COL19A1: variants seen among roughly 807,000 people sequenced by gnomAD.
COL19A1 encodes collagen alpha-1(XIX) chain.
Under a neutral mutation model 190.2 loss-of-function variants are expected in COL19A1, and 159 were observed. The ratio of observed to expected loss-of-function variants is 0.84; its 90% CI spans 0.73 to 0.95. The LOEUF (loss-of-function observed/expected upper bound fraction) is 0.95. Among genes scored for constraint, COL19A1 ranks in the 40% least tolerant of loss-of-function variants. COL19A1 has a pLI of 0.00. For synonymous variants in COL19A1, 509 were observed against 458.9 expected (o/e 1.11, Z -1.39); for missense variants, 1,418 against 1,431.9 (o/e 0.99, Z 0.16).
At chr6:70,148,578 A>C (rs562416425) in intron 27 of COL19A1, among the ~76,000 whole-genome samples, 4 of 152,328 alleles carry the variant, frequency 2.6e-5, no homozygotes, top group African/African-American at 9.6e-5. Context: ...TGCCAGGGCA[A>C]GAATGTAAAA....
Position 70,142,013 on chromosome 6 carries a change from A to AC in COL19A1, c.1519-9dup, listed in dbSNP as rs764415630. On this transcript the variant is annotated splice_polypyrimidine_tract_variant and intron_variant, in intron 21 of 50. Transcript: ENST00000620364. ...GAAACATTGATCTTTCCTTCCCCCC[A>AC]CGTGTTTAGGGTGAACCTGGAGATC... 5 of 1,612,340 alleles carry AC rather than the reference A, an allele frequency of 3.1e-6. No homozygotes were observed. Among genetic ancestry groups the AC allele is most frequent in the Non-Finnish European group, 3.4e-6 (4 of 1,178,888 alleles).
Position 69,950,076 on chromosome 6 carries a change from A to G in COL19A1, c.937-9920A>G, listed in dbSNP as rs547217454. Among the ~76,000 whole-genome samples the G allele has an allele frequency of 3.9e-5, 6 of 152,028 alleles. No individual in the cohort carries two copies. In the East Asian group the frequency reaches 9.7e-4, roughly 24 times the overall value. ...ACACTTACATCAATGTCATACTTCAATAAATTAAGTGATTTGCATATAAAT... is the reference window on the plus strand; with the variant it reads ...ACACTTACATCAATGTCATACTTCAGTAAATTAAGTGATTTGCATATAAAT... On this transcript the variant is annotated intron_variant, in intron 9 of 50. Transcript: ENST00000620364.
At position 70,207,207 on chromosome 6, in the gene COL19A1, G is replaced by A; in HGVS notation, c.3362G>A (p.Gly1121Glu). ...PGPQGPPGPS[G>E]RCNPEDCLYP... ...CCACAGGGCCCCCCAGGACCCAGTG[G>A]AAGATGTAACCCAGAAGATTGCCTC... Residue 1121 changes from glycine to glutamate, a missense_variant, in exon 51 of 51, where the codon GGA (glycine) becomes GAA (glutamate). Transcript: ENST00000620364. The A allele has an allele frequency of 6.2e-7, 1 of 1,614,008 alleles. No individual in the cohort carries two copies. The highest frequency in any genetic ancestry group is 8.5e-7 in the Non-Finnish European group (1 of 1,179,974).
intron 16 of COL19A1, among the ~76,000 whole-genome samples, chr6:70,108,943 A>C (rs1267688458): frequency 1.3e-5 from 2 of 152,126 alleles, no homozygotes; most frequent in Non-Finnish European, 2.9e-5. Flanking sequence ...TTAGGGTGTA[A>C]AATTTAATTT....
chr6:70,126,152 C>CAAAA (rs5877240), intron 17 of COL19A1, among the ~76,000 whole-genome samples: 2 of 140,924 alleles, frequency 1.4e-5, no homozygotes, highest in Non-Finnish European at 3.1e-5. Context: ...ATTATTGATC[C>CAAAA]AAAAAAAAAA....
At position 70,209,759 on chromosome 6, in the gene COL19A1, C is replaced by G. The variant is rs146488491; in HGVS notation, c.*2485C>G. The stretch of plus-strand genomic sequence containing the variant: ...GAAACAAGGCTGTATCCACATGGTA[C>G]AAGCCTTTCTCACCCTACTCTATTA... On this transcript the variant is annotated 3_prime_UTR_variant, in exon 51 of 51. Transcript: ENST00000620364. 6.6e-6 allele frequency: 1 copy of G among 152,178 alleles called. No homozygotes were observed. Among genetic ancestry groups the G allele is most frequent in the South Asian group, 2.1e-4 (1 of 4,836 alleles). 9.4% of individuals were successfully genotyped at this position (152,178 alleles called of 1,614,324 possible). A position where few individuals can be genotyped will look rare whatever the true frequency, so the allele number is the denominator to read the frequency against.
chr6:70,179,423 G>T (rs1766025867), intron 42 of COL19A1, among the ~76,000 whole-genome samples: 1 of 152,174 alleles, frequency 6.6e-6, no homozygotes, highest in Non-Finnish European at 1.5e-5. Flanking sequence ...TGTGCTTCCA[G>T]TCTCCACTGG....
intron 14 of COL19A1, among the ~76,000 whole-genome samples, chr6:70,061,665 T>C (rs1422767085): frequency 6.6e-6 from 1 of 152,144 alleles, no homozygotes; most frequent in African/African-American, 2.4e-5. Flanking sequence ...CAGAATTAAG[T>C]GAACTCCCTG....
In COL19A1 at chr6:70,137,749, T is replaced by G. The variant is rs867364635; in HGVS notation, c.1446+2T>G. ...CCTAAAGGACAAAAAGGAGAACCTG[T>G]AAGTATTTTAGCTTTGAGGACAGAG... On this transcript the variant is annotated splice_donor_variant, in intron 19 of 50. Coordinates refer to ENST00000620364, the MANE Select transcript of COL19A1 (RefSeq NM_001858.6). LOFTEE classifies it high-confidence loss of function. The G allele has an allele frequency of 6.2e-7, 1 of 1,613,064 alleles. No homozygotes were observed. The highest frequency in any genetic ancestry group is 8.5e-7 in the Non-Finnish European group (1 of 1,179,260).
chr6:69,872,650 A>G (rs1767910660), intron 1 of COL19A1, among the ~76,000 whole-genome samples: 1 of 152,232 alleles, frequency 6.6e-6, no homozygotes, highest in Non-Finnish European at 1.5e-5. Flanking sequence ...CCATATGGCA[A>G]ATGATGGTGA....
intron 11 of COL19A1, among the ~76,000 whole-genome samples, chr6:70,006,044 TTTTCAGTCTCCC>T (rs1777600268): frequency 2.0e-5 from 3 of 152,014 alleles, no homozygotes; most frequent in Non-Finnish European, 4.4e-5. Context: ...GAAAAGGGCT[TTTTCAGTCTCCC>T]TTGAAAAGCC....
At chr6:70,000,838 A>G (rs1359305787) in intron 11 of COL19A1, among the ~76,000 whole-genome samples, 1 of 152,124 alleles carries the variant, frequency 6.6e-6, no homozygotes, top group Non-Finnish European at 1.5e-5. Context: ...CTCTGATGAT[A>G]GTTTCTCTGG....
chr6:69,909,787 G>A (rs9689515), intron 4 of COL19A1, among the ~76,000 whole-genome samples: 5,187 of 152,112 alleles, frequency 0.034, 321 homozygotes, highest in African/African-American at 0.12. Flanking sequence ...CATCCAGATG[G>A]CTTAAGTTCT....
At chr6:70,155,200 C>A (rs1414536380) in intron 31 of COL19A1, among the ~76,000 whole-genome samples, 1 of 152,062 alleles carries the variant, frequency 6.6e-6, no homozygotes, top group Non-Finnish European at 1.5e-5. Flanking sequence ...GGCTTTCTTG[C>A]CAGCTTCTTA....
chr6:70,000,036 C>G (rs1248287776), intron 11 of COL19A1, among the ~76,000 whole-genome samples: 7 of 152,086 alleles, frequency 4.6e-5, no homozygotes, highest in African/African-American at 1.4e-4. Context: ...TCAACAGCCC[C>G]TGGCCCTGGT....
intron 11 of COL19A1, among the ~76,000 whole-genome samples, chr6:69,973,621 A>T (rs1326610119): frequency 9.4e-6 from 1 of 106,378 alleles, no homozygotes; most frequent in African/African-American, 2.9e-5. Context: ...TGTTTTTTTA[A>T]ATTAAGAAAA....
intron 34 of COL19A1, among the ~76,000 whole-genome samples, chr6:70,161,416 T>A (rs1217568715): frequency 1.3e-5 from 2 of 152,196 alleles, no homozygotes; most frequent in African/African-American, 4.8e-5. Context: ...CCAGATTAAA[T>A]TATGTTTGCT....
intron 9 of COL19A1, among the ~76,000 whole-genome samples, chr6:69,946,106 T>C (rs956243784): frequency 6.6e-6 from 1 of 151,892 alleles, no homozygotes; most frequent in Non-Finnish European, 1.5e-5. Context: ...AGGAATATCT[T>C]AGAATCTGAA....
chr6:70,061,489 G>T (rs77500149), intron 14 of COL19A1, among the ~76,000 whole-genome samples: 1 of 151,942 alleles, frequency 6.6e-6, no homozygotes, highest in African/African-American at 2.4e-5. Flanking sequence ...ATGTGAGTTT[G>T]TACCATATCT....
Sources: allele counts gnomAD v4.1 joint callset (sites outside exome capture counted in the v4.1 genomes callset), GRCh38; gene constraint gnomAD v4.1.1; transcripts MANE v1.5; gene names NCBI Gene and HGNC (gene_info 2026-07-23, HGNC 2026-07-21).